CGN: variants seen among roughly 807,000 people sequenced by gnomAD.
The protein encoded by CGN is cingulin.
CGN carries 121 observed loss-of-function variants against 157.1 expected under a neutral mutation model. The ratio of observed to expected loss-of-function variants is 0.77; its 90% CI spans 0.66 to 0.90. The LOEUF (loss-of-function observed/expected upper bound fraction) is 0.90, where lower values mean the gene tolerates loss of function less well. Ranked by LOEUF, CGN falls within the 40% of genes least tolerant of loss-of-function variation. CGN has a pLI of 0.00. For missense variants in CGN, 1,424 were observed against 1,520.9 expected (o/e 0.94, Z 1.06); for synonymous variants, 535 against 607.5 (o/e 0.88, Z 1.76).
chr1:151,530,997 C>T (rs550339053), intron 13 of CGN, among the ~76,000 whole-genome samples: 40 of 152,024 alleles, frequency 2.6e-4, no homozygotes, highest in South Asian at 4.2e-4. Flanking sequence ...AAAAATTAGC[C>T]GGGCTTGGTG....
intron 14 of CGN, among the ~76,000 whole-genome samples, chr1:151,533,070 C>A (rs146421199): frequency 6.6e-6 from 1 of 152,236 alleles, no homozygotes; most frequent in African/African-American, 2.4e-5. Flanking sequence ...TTTTAAAAAT[C>A]CCCACACCCA....
chr1:151,528,079 C>T (rs1664735862), intron 10 of CGN: 1 of 152,588 alleles, frequency 6.6e-6, no homozygotes, highest in Non-Finnish European at 1.4e-5. Context: ...CCTCAGCCTC[C>T]CGAGTTGCTG....
In CGN at chr1:151,532,499, C is replaced by G. The variant is rs771757785; in HGVS notation, c.2669C>G (p.Ala890Gly). The change falls in exon 14 of 21, where the codon GCC becomes GGC. Residue 890 changes from alanine (A) to glycine (G), a missense_variant. Physicochemically the swap from Ala to Gly is moderately conservative, Grantham distance 60. This residue lies in a region of CGN where 1,187 missense variants were observed against 1,217.6 expected (regional missense o/e 0.97). Transcript: ENST00000271636. Reference sequence around the variant, plus strand: ...AAGGCCCGGCGGGAGGTGGCAGATGCCCAGCGCCAGGCCAAGGATTGGGCC... The same window carrying G: ...AAGGCCCGGCGGGAGGTGGCAGATGGCCAGCGCCAGGCCAAGGATTGGGCC... Reference protein sequence around the residue: ...KEKARREVADAQRQAKDWASE... With the variant: ...KEKARREVADGQRQAKDWASE... 1.9e-6 allele frequency: 3 copies of G among 1,609,654 alleles called. No homozygotes were observed. The highest frequency in any genetic ancestry group is 2.5e-6 in the Non-Finnish European group (3 of 1,178,554).
At chr1:151,514,637 C>T (rs927659402) in intron 1 of CGN, among the ~76,000 whole-genome samples, 3 of 152,038 alleles carry the variant, frequency 2.0e-5, no homozygotes, top group African/African-American at 7.2e-5. Context: ...TCTTTGCCCT[C>T]CAGGAGCTTA....
Position 151,511,410 on chromosome 1 carries a change from A to G in CGN, c.-120A>G. 6.5e-6 allele frequency: 1 copy of G among 152,806 alleles called. No homozygotes were observed. Among genetic ancestry groups the G allele is most frequent in the South Asian group, 1.6e-4 (1 of 6,428 alleles). 9.5% of individuals were successfully genotyped at this position (152,806 alleles called of 1,614,324 possible). The stretch of plus-strand genomic sequence containing the variant: ...GGAGGGAGCTCCGAGGACGAGGGGG[A>G]GGGCCGGAGCTGCGCGTGCTGCTTT... On this transcript the variant is annotated 5_prime_UTR_variant, in exon 1 of 21. Transcript: ENST00000271636. The surrounding 1 kb of genome is among the most constrained non-coding windows in gnomAD (Gnocchi z 4.8).
intron 1 of CGN, among the ~76,000 whole-genome samples, chr1:151,517,298 G>C (rs1234815181): frequency 6.6e-6 from 1 of 152,096 alleles, no homozygotes; most frequent in Non-Finnish European, 1.5e-5. Context: ...CCTGTTCCTA[G>C]TCCTCAGTTC....
chr1:151,511,234 G>C (rs960915201), upstream of CGN, among the ~76,000 whole-genome samples: 63 of 152,318 alleles, frequency 4.1e-4, no homozygotes, highest in Admixed American at 3.7e-3. The surrounding 1 kb of genome is among the most constrained non-coding windows in gnomAD (Gnocchi z 4.8). Context: ...GCCCTTCGCG[G>C]CTGGAGACCC....
intron 14 of CGN, among the ~76,000 whole-genome samples, chr1:151,532,866 T>C (rs1571669749): frequency 6.6e-6 from 1 of 151,864 alleles, no homozygotes; most frequent in African/African-American, 2.4e-5. Flanking sequence ...TGATCCGCCC[T>C]CCTCGGCCTC....
In CGN at chr1:151,527,070, G is replaced by C; in HGVS notation, c.1859G>C (p.Ser620Thr). Residue 620 changes from serine (S) to threonine (T), a missense_variant, in exon 10 of 21, where the codon AGT becomes ACT. Around this residue, in one of 3 missense-constraint regions of CGN, gnomAD observed 1,187 missense variants for 1,217.6 expected, o/e 0.97. Coordinates refer to ENST00000271636, the MANE Select transcript of CGN (RefSeq NM_020770.3). ...LQRELEQARA[S>T]AGDTRQVEVL... ...AGGGAATTAGAGCAGGCCCGAGCTA[G>C]TGCTGGAGATACTCGCCAGGTTGAG... is the stretch of plus-strand genomic sequence containing the variant. 3.7e-6 allele frequency: 6 copies of C among 1,614,186 alleles called. No individual in the cohort carries two copies. The highest frequency in any genetic ancestry group is 5.1e-6 in the Non-Finnish European group (6 of 1,180,042).
At chr1:151,535,232 C>T (rs566863981) in intron 16 of CGN, 101 bp downstream of exon 16, 82 of 897,642 alleles carry the variant, frequency 9.1e-5, no homozygotes, top group Non-Finnish European at 1.2e-4. Context: ...ATCTGGCTGC[C>T]GAATCTGTGC....
In CGN at chr1:151,511,840, G is replaced by A. The variant is rs1664304268; in HGVS notation, c.-15+325G>A. On this transcript the variant is annotated intron_variant, in intron 1 of 20. Coordinates refer to ENST00000271636, the MANE Select transcript of CGN (RefSeq NM_020770.3). The surrounding 1 kb of genome is among the most constrained non-coding windows in gnomAD (Gnocchi z 4.8). ...CCCTAGGGGCAGAATTTCTCTTGGA[G>A]ACAGCGGTGGCGCGGGGAAGGAGTT... 6.6e-6 allele frequency among the ~76,000 whole-genome samples: 1 copy of A among 152,208 alleles called. No homozygotes were observed. The highest frequency in any genetic ancestry group is 2.4e-5 in the African/African-American group (1 of 41,468).
intron 10 of CGN, 55 bp downstream of exon 10, chr1:151,527,162 A>T: frequency 6.2e-7 from 1 of 1,601,518 alleles, no homozygotes; most frequent in Admixed American, 1.7e-5. Context: ...CACCTGCCTT[A>T]CCTCTCCATG....
At chr1:151,523,405 A>G (rs777738001) in intron 5 of CGN, 29 bp from the exon 6 acceptor site, 8 of 1,580,180 alleles carry the variant, frequency 5.1e-6, no homozygotes, top group Non-Finnish European at 6.9e-6. Flanking sequence ...CCTACCCTCT[A>G]CCTGCTGTAC....
In CGN at chr1:151,537,243, A is replaced by G. The variant is rs141438616; in HGVS notation, c.3509A>G (p.Lys1170Arg). 4.6e-4 allele frequency: 740 copies of G among 1,613,948 alleles called. No individual in the cohort carries two copies. Among genetic ancestry groups the G allele is most frequent in the Non-Finnish European group, 6.0e-4 (708 of 1,179,964 alleles). ...CGCTCAGCTGCTGAGTCAGCTCTCA[A>G]AAACGAAGGGCTGAGCTCAGATGAG... Reference protein sequence around the residue: ...ASRSAAESALKNEGLSSDEEF... With the variant: ...ASRSAAESALRNEGLSSDEEF... Residue 1170 changes from lysine (K) to arginine (R), a missense_variant, in exon 21 of 21, where the codon AAA becomes AGA. This residue lies in a region of CGN where 199 missense variants were observed against 272.2 expected (regional missense o/e 0.73). Coordinates refer to ENST00000271636, the MANE Select transcript of CGN (RefSeq NM_020770.3).
rs551857186 is a variant in CGN, at chr1:151,524,394, T to G, written c.1401+36T>G. On this transcript the variant is annotated intron_variant, in intron 7 of 20. Coordinates refer to ENST00000271636, the MANE Select transcript of CGN (RefSeq NM_020770.3). The surrounding 1 kb of genome is among the most constrained non-coding windows in gnomAD (Gnocchi z 4.4). ...GGGTCATATGCCCCAGCCTCTGCTTTTTCTCAGTTGGAGCATCCTCAAGTC... is the reference window on the plus strand; with the variant it reads ...GGGTCATATGCCCCAGCCTCTGCTTGTTCTCAGTTGGAGCATCCTCAAGTC... 1 of 1,607,964 alleles carries G rather than the reference T, an allele frequency of 6.2e-7. No individual in the cohort carries two copies. Among genetic ancestry groups the G allele is most frequent in the African/African-American group, 1.3e-5 (1 of 74,766 alleles).
Position 151,538,577 on chromosome 1 carries a change from A to G in CGN, c.*1231A>G, listed in dbSNP as rs930785496. ...AGGCTGTTTTCACAAATGACTTGTA[A>G]TGTCGTGATTAAAAAAATTCCTATA... On this transcript the variant is annotated 3_prime_UTR_variant, in exon 21 of 21. Coordinates refer to ENST00000271636, the MANE Select transcript of CGN (RefSeq NM_020770.3). 1.3e-5 allele frequency: 2 copies of G among 152,218 alleles called. No homozygotes were observed. The highest frequency in any genetic ancestry group is 2.4e-5 in the African/African-American group (1 of 41,454). 9.4% of individuals were successfully genotyped at this position (152,218 alleles called of 1,614,324 possible).
At chr1:151,510,510 T>C (rs1489253956), upstream of CGN, 2 of 152,230 alleles carry the variant, frequency 1.3e-5, no homozygotes, top group Non-Finnish European at 2.9e-5. Flanking sequence ...TTCTAGGAAC[T>C]GGGATCAGCA....
chr1:151,519,059 A>G lies in CGN; in HGVS notation c.540A>G (p.Ser180=), dbSNP rs2102489189. Residue 180 remains serine, a synonymous_variant, in exon 2 of 21, where the codon TCA becomes TCG. Coordinates refer to ENST00000271636, the MANE Select transcript of CGN (RefSeq NM_020770.3). ...IDTAPLSSVD[S]LINKFDSQLG... ...CTGCTCCCCTGTCTTCAGTGGACTC[A>G]CTCATCAACAAGTTTGACAGTCAAC... The G allele has an allele frequency of 6.2e-7, 1 of 1,613,962 alleles. No homozygotes were observed. Among genetic ancestry groups the G allele is most frequent in the Non-Finnish European group, 8.5e-7 (1 of 1,179,984 alleles).
chr1:151,531,661 A>G (rs1314931320), intron 13 of CGN, among the ~76,000 whole-genome samples: 1 of 152,180 alleles, frequency 6.6e-6, no homozygotes, highest in Non-Finnish European at 1.5e-5. Flanking sequence ...CTTCATTGGT[A>G]GAATTTTAAA....
Sources: gnomAD v4.1 joint callset for allele counts (sites outside exome capture counted in the v4.1 genomes callset) on GRCh38, gnomAD v4.1.1 for gene constraint, gnomAD v4.1.1 regional missense constraint, Gnocchi (gnomAD v3.1) non-coding constraint, MANE v1.5 for transcripts, NCBI Gene and HGNC (gene_info 2026-07-23, HGNC 2026-07-21) for gene names.